The following MANBA variants were observed in gnomAD, a reference collection of about 807,000 sequenced individuals.
MANBA encodes mannosidase beta.
Under a neutral mutation model 111.1 loss-of-function variants are expected in MANBA, and 83 were observed. The observed-to-expected ratio is 0.75, with a 90% CI of 0.63 to 0.90. The LOEUF (loss-of-function observed/expected upper bound fraction) is 0.90, where lower values mean the gene tolerates loss of function less well. Among genes scored for constraint, MANBA ranks in the 40% least tolerant of loss-of-function variants. The pLI, the probability that MANBA is intolerant of heterozygous loss-of-function variation, is 0.00. For synonymous variants in MANBA, 370 were observed against 378.7 expected, an observed-to-expected ratio of 0.98 and a Z score of 0.27; for missense variants, 1,036 against 1,069.0, an observed-to-expected ratio of 0.97 and a Z score of 0.43.
At chr4:102,638,745 TAA>T (rs1432834476) in intron 14 of MANBA, among the ~76,000 whole-genome samples, 2 of 152,194 alleles carry the variant, frequency 1.3e-5, no homozygotes, top group African/African-American at 4.8e-5. Context: ...TTGGTGCTGA[TAA>T]AGAGTTTGGT....
intron 11 of MANBA, among the ~76,000 whole-genome samples, chr4:102,658,534 G>A (rs228616): frequency 0.47 from 72,100 of 152,046 alleles, 17,306 homozygotes; most frequent in South Asian, 0.54. Context: ...TTATCTGTAA[G>A]ATGAGGATAA....
chr4:102,681,350 A>C (rs1731968347), intron 7 of MANBA, among the ~76,000 whole-genome samples: 1 of 152,072 alleles, frequency 6.6e-6, no homozygotes, highest in Non-Finnish European at 1.5e-5. Flanking sequence ...CAAAATAATA[A>C]TAATAATTCT....
chr4:102,656,705 A>G (rs934217952), intron 12 of MANBA, among the ~76,000 whole-genome samples: 5 of 152,214 alleles, frequency 3.3e-5, no homozygotes, highest in Admixed American at 3.3e-4. Flanking sequence ...TAAATAGATA[A>G]ACAAAACGTA....
At chr4:102,640,415 T>C (rs551700634) in intron 13 of MANBA, among the ~76,000 whole-genome samples, 1 of 152,334 alleles carries the variant, frequency 6.6e-6, no homozygotes, top group East Asian at 1.9e-4. Context: ...AATTCCTTCG[T>C]TGTAGCAGAA....
chr4:102,666,721 G>A (rs1053602128), intron 10 of MANBA: 14 of 152,326 alleles, frequency 9.2e-5, no homozygotes, highest in African/African-American at 3.4e-4. Context: ...GTGTTGGCTA[G>A]GGAAGGAGTT....
chr4:102,654,019 C>G (rs1730453207), intron 12 of MANBA, among the ~76,000 whole-genome samples: 1 of 152,144 alleles, frequency 6.6e-6, no homozygotes, highest in Non-Finnish European at 1.5e-5. Context: ...TCCACTTTGC[C>G]TGAGGCCCAA....
chr4:102,734,407 T>C, intron 1 of MANBA: 1 of 1,610,452 alleles, frequency 6.2e-7, no homozygotes, highest in Admixed American at 1.7e-5. Context: ...GAGCCCACTT[T>C]CCTGGAGAAC....
intron 1 of MANBA, among the ~76,000 whole-genome samples, chr4:102,749,669 G>C (rs1227880139): frequency 6.6e-6 from 1 of 152,210 alleles, no homozygotes; most frequent in Non-Finnish European, 1.5e-5. Flanking sequence ...CAATAACTTT[G>C]CTGAGCCTCA....
At position 102,742,429 on chromosome 4, in the gene MANBA, T is replaced by C. The variant is rs571913737; in HGVS notation, c.178-15746A>G. 3.2e-4 allele frequency among the ~76,000 whole-genome samples: 48 copies of C among 152,320 alleles called. 1 individual carries two copies. Among genetic ancestry groups the C allele is most frequent in the African/African-American group, 1.1e-3 (47 of 41,562 alleles). On this transcript the variant is annotated intron_variant, in intron 1 of 16. Coordinates refer to ENST00000647097, the MANE Select transcript of MANBA (RefSeq NM_005908.4). ...GCTATGGGAGAAACAGTACCATATA[T>C]TGAATGCTGATTCAGAGCATACATG... is the stretch of plus-strand genomic sequence containing the variant.
chr4:102,674,852 C>T (rs1731657496), intron 7 of MANBA, among the ~76,000 whole-genome samples: 1 of 152,192 alleles, frequency 6.6e-6, no homozygotes, highest in Non-Finnish European at 1.5e-5. Flanking sequence ...CCAATAAAGC[C>T]TAGCCTTAAG....
chr4:102,753,500 C>A (rs1305910034), intron 1 of MANBA, among the ~76,000 whole-genome samples: 1 of 151,970 alleles, frequency 6.6e-6, no homozygotes, highest in Non-Finnish European at 1.5e-5. Flanking sequence ...TATCAGCGGA[C>A]AAAAGAGAAA....
Position 102,657,810 on chromosome 4 carries a change from TGCTA to T in MANBA, c.1572_1575del (p.Asn524LysfsTer42). ...TAAAAATGTACATCACCAAAATAAT[TGCTA>T]TTAGGGTTTTGAGAGACCCAGGCTT... On this transcript the variant is annotated frameshift_variant, in exon 12 of 17. Transcript: ENST00000647097. LOFTEE classifies it high-confidence loss of function. 1 of 1,613,676 alleles carries T rather than the reference TGCTA, an allele frequency of 6.2e-7. No individual in the cohort carries two copies. The highest frequency in any genetic ancestry group is 8.5e-7 in the Non-Finnish European group (1 of 1,179,612).
At chr4:102,721,331 T>A (rs972030188) in intron 4 of MANBA, among the ~76,000 whole-genome samples, 4 of 151,324 alleles carry the variant, frequency 2.6e-5, no homozygotes, top group Non-Finnish European at 2.9e-5. Flanking sequence ...CTCAAATACA[T>A]AAATAAATAA....
chr4:102,663,949 G>A (rs1731086034), intron 11 of MANBA, among the ~76,000 whole-genome samples: 1 of 152,304 alleles, frequency 6.6e-6, no homozygotes, highest in South Asian at 2.1e-4. Context: ...AGCGGGGTTG[G>A]AGACCAGCTC....
Position 102,731,368 on chromosome 4 carries a change from C to CA in MANBA, c.178-4686dup, listed in dbSNP as rs201570262. On this transcript the variant is annotated intron_variant, in intron 1 of 16. Transcript: ENST00000647097. Reference sequence around the variant, plus strand: ...CCAGGGGGAATACTTCTCTACTGCCCAAAAGTCAGCACAACTCCCTTCCGC... The same window carrying CA: ...CCAGGGGGAATACTTCTCTACTGCCCAAAAAGTCAGCACAACTCCCTTCCGC... Among the ~76,000 whole-genome samples, 936 of 152,242 alleles carry CA rather than the reference C, an allele frequency of 6.1e-3. 8 individuals are homozygous for CA. The highest frequency in any genetic ancestry group is 0.021 in the African/African-American group (871 of 41,510).
chr4:102,685,902 T>C (rs1249410222), intron 7 of MANBA, among the ~76,000 whole-genome samples: 1 of 113,678 alleles, frequency 8.8e-6, no homozygotes, highest in Non-Finnish European at 1.8e-5. Flanking sequence ...TCCTTGACAT[T>C]TTTGAAGATT....
At chr4:102,760,154 C>G (rs936088769) in intron 1 of MANBA, among the ~76,000 whole-genome samples, 3 of 152,090 alleles carry the variant, frequency 2.0e-5, no homozygotes, top group Admixed American at 1.3e-4. Flanking sequence ...CCAAGTTAGC[C>G]TTAAAAATTA....
At chr4:102,656,176 C>A (rs1468392964) in intron 12 of MANBA, among the ~76,000 whole-genome samples, 1 of 152,030 alleles carries the variant, frequency 6.6e-6, no homozygotes, top group Non-Finnish European at 1.5e-5. Context: ...ATTGCTTCAG[C>A]CTGAGAGGTC....
In MANBA at chr4:102,730,201, C is replaced by T. The variant is rs1026438951; in HGVS notation, c.178-3518G>A. 2.3e-5 allele frequency: 15 copies of T among 657,692 alleles called. No homozygotes were observed. In the Admixed American group the frequency reaches 2.4e-4, roughly 10 times the overall value. 40.7% of individuals were successfully genotyped at this position (657,692 alleles called of 1,614,324 possible). A position where few individuals can be genotyped will look rare whatever the true frequency, so the allele number is the denominator to read the frequency against. ...GAGGCAGGAGTGGGGGCAGGAAGGC[C>T]GAACCAGATAGAGATCCCAGAAGGA... On this transcript the variant is annotated intron_variant, in intron 1 of 16. Coordinates refer to ENST00000647097, the MANE Select transcript of MANBA (RefSeq NM_005908.4).
Sources: allele counts gnomAD v4.1 joint callset (sites outside exome capture counted in the v4.1 genomes callset), GRCh38; gene constraint gnomAD v4.1.1; transcripts MANE v1.5; gene names NCBI Gene and HGNC (gene_info 2026-07-23, HGNC 2026-07-21).